CADM1: variants seen among roughly 807,000 people sequenced by gnomAD.
CADM1 encodes the protein cell adhesion molecule 1.
A neutral mutation model predicts 53.1 loss-of-function variants in CADM1; 15 were observed. That is an observed-to-expected ratio of 0.28 (90% confidence interval 0.19 to 0.44). The LOEUF is 0.44. Among genes scored for constraint, CADM1 ranks in the 20% least tolerant of loss-of-function variants. The pLI, the probability that CADM1 is intolerant of heterozygous loss-of-function variation, is 1.00. For missense variants in CADM1, 434 were observed against 611.3 expected (o/e 0.71, Z 3.06); for synonymous variants, 281 against 243.0 (o/e 1.16, Z -1.45).
At chr11:115,370,778 C>T (rs2135123354) in intron 1 of CADM1, among the ~76,000 whole-genome samples, 1 of 152,304 alleles carries the variant, frequency 6.6e-6, no homozygotes, top group East Asian at 1.9e-4. Flanking sequence ...TAGTTATCCA[C>T]CCTGATCCCT....
chr11:115,176,386 C>G lies in CADM1; in HGVS notation c.*88G>C, dbSNP rs1001611713. 1.4e-5 allele frequency: 23 copies of G among 1,594,134 alleles called. No individual in the cohort carries two copies. In the African/African-American group the frequency reaches 2.8e-4, roughly 20 times the overall value. On this transcript the variant is annotated 3_prime_UTR_variant, in exon 12 of 12. Transcript: ENST00000331581. ...CTTTCCACCCATTCATAAAAAAACA[C>G]ACGAATTTCTCGCAAGTTCCAATAT...
intron 1 of CADM1, among the ~76,000 whole-genome samples, chr11:115,272,899 T>TA (rs550910959): frequency 7.9e-5 from 12 of 151,098 alleles, no homozygotes; most frequent in Non-Finnish European, 1.5e-4. Context: ...TAAAGTATAA[T>TA]AAAAAAATTT....
intron 1 of CADM1, among the ~76,000 whole-genome samples, chr11:115,284,114 C>G (rs10891821): frequency 3.0e-3 from 300 of 98,672 alleles, no homozygotes; most frequent in Non-Finnish European, 4.4e-3. Flanking sequence ...CTCTCTCTCT[C>G]TGTGTGTGTG....
chr11:115,442,510 T>G (rs1948340148), intron 1 of CADM1, among the ~76,000 whole-genome samples: 1 of 152,154 alleles, frequency 6.6e-6, no homozygotes, highest in Non-Finnish European at 1.5e-5. Context: ...ATCCGAGAGC[T>G]CTTCTCCCAT....
intron 1 of CADM1, among the ~76,000 whole-genome samples, chr11:115,322,137 A>G (rs1944839724): frequency 6.6e-6 from 1 of 152,180 alleles, no homozygotes; most frequent in Non-Finnish European, 1.5e-5. Context: ...CAGAAGCTTC[A>G]ATTCGTGGCC....
intron 1 of CADM1, among the ~76,000 whole-genome samples, chr11:115,304,360 A>G (rs1944308293): frequency 6.6e-6 from 1 of 152,034 alleles, no homozygotes; most frequent in Admixed American, 6.6e-5. Flanking sequence ...AAGCGCTTAC[A>G]TTTACATTCC....
chr11:115,179,025 G>T, intron 10 of CADM1: 1 of 500,312 alleles, frequency 2.0e-6, no homozygotes, highest in Non-Finnish European at 3.7e-6. Context: ...AACAAGCTTA[G>T]GGAGGCAGGG....
intron 1 of CADM1, among the ~76,000 whole-genome samples, chr11:115,389,703 T>C (rs1359110847): frequency 6.6e-6 from 1 of 152,062 alleles, no homozygotes; most frequent in Non-Finnish European, 1.5e-5. Context: ...AAAATGCCTA[T>C]AAAGAAATCC....
chr11:115,266,483 G>C (rs1253767384), intron 1 of CADM1, among the ~76,000 whole-genome samples: 1 of 152,206 alleles, frequency 6.6e-6, no homozygotes, highest in Middle Eastern at 3.2e-3. Flanking sequence ...AGCCACGCAG[G>C]ACTGGGCCAC....
At chr11:115,398,472 A>G (rs1200122954) in intron 1 of CADM1, among the ~76,000 whole-genome samples, 1 of 152,104 alleles carries the variant, frequency 6.6e-6, no homozygotes, top group African/African-American at 2.4e-5. Flanking sequence ...CAACTTAAGC[A>G]TGGTTCTCTT....
At chr11:115,362,221 C>G (rs1946047271) in intron 1 of CADM1, among the ~76,000 whole-genome samples, 1 of 152,064 alleles carries the variant, frequency 6.6e-6, no homozygotes, top group Non-Finnish European at 1.5e-5. Context: ...ATTGATGAGG[C>G]AGAATTGCCT....
Position 115,297,296 on chromosome 11 carries a change from A to T in CADM1, c.125-56876T>A, listed in dbSNP as rs2135126550. Among the ~76,000 whole-genome samples, 4 of 152,314 alleles carry T rather than the reference A, an allele frequency of 2.6e-5. 1 individual carries two copies. In the Middle Eastern group the frequency reaches 0.014, roughly 518 times the overall value. On this transcript the variant is annotated intron_variant, in intron 1 of 11. Transcript: ENST00000331581. ...TGACAGACCGTCTAGGATCAGAGAGACCTGGATGATGCAATTAAAAGGTGG... is the reference window on the plus strand; with the variant it reads ...TGACAGACCGTCTAGGATCAGAGAGTCCTGGATGATGCAATTAAAAGGTGG...
intron 1 of CADM1, among the ~76,000 whole-genome samples, chr11:115,452,245 C>T (rs988600510): frequency 6.6e-6 from 1 of 152,018 alleles, no homozygotes; most frequent in African/African-American, 2.4e-5. Context: ...GTTTTGACAC[C>T]CACTTGTTCA....
chr11:115,348,659 C>T (rs1458754945), intron 1 of CADM1, among the ~76,000 whole-genome samples: 1 of 152,158 alleles, frequency 6.6e-6, no homozygotes, highest in East Asian at 1.9e-4. Context: ...GCTATGTTTT[C>T]CCCCATGTAG....
At chr11:115,207,689 C>G (rs1378275813) in intron 8 of CADM1, among the ~76,000 whole-genome samples, 1 of 152,112 alleles carries the variant, frequency 6.6e-6, no homozygotes, top group Non-Finnish European at 1.5e-5. Context: ...TGAATAAGGT[C>G]TCGACTGCCT....
At chr11:115,420,845 G>A (rs1947736920) in intron 1 of CADM1, among the ~76,000 whole-genome samples, 2 of 152,146 alleles carry the variant, frequency 1.3e-5, no homozygotes, top group Admixed American at 1.3e-4. Flanking sequence ...CCAAAGAAAA[G>A]TGCATCTTCC....
intron 1 of CADM1, among the ~76,000 whole-genome samples, chr11:115,326,502 A>G (rs1342264248): frequency 6.6e-6 from 1 of 152,190 alleles, no homozygotes; most frequent in Non-Finnish European, 1.5e-5. Flanking sequence ...TTATACAAAT[A>G]TTTCACTAAA....
At chr11:115,251,920 C>A (rs1942618860) in intron 1 of CADM1, among the ~76,000 whole-genome samples, 2 of 152,248 alleles carry the variant, frequency 1.3e-5, no homozygotes, top group African/African-American at 4.8e-5. Context: ...CTGCTGACTC[C>A]CCAGTGCAAA....
chr11:115,457,187 G>T (rs1290009687), intron 1 of CADM1, among the ~76,000 whole-genome samples: 2 of 152,162 alleles, frequency 1.3e-5, no homozygotes, highest in East Asian at 3.9e-4. Flanking sequence ...CTTTGCAACG[G>T]TGACAGAGCC....
Sources: gnomAD v4.1 joint callset for allele counts (sites outside exome capture counted in the v4.1 genomes callset) on GRCh38, gnomAD v4.1.1 for gene constraint, MANE v1.5 for transcripts, NCBI Gene and HGNC (gene_info 2026-07-23, HGNC 2026-07-21) for gene names.